Variants in TULP4 observed in about 807,000 individuals in gnomAD.
TULP4 encodes tubby-related protein 4.
In TULP4, 16 loss-of-function variants were observed where a neutral mutation model predicts 129.0. The ratio of observed to expected loss-of-function variants is 0.12; its 90% CI spans 0.08 to 0.19. The LOEUF is 0.19. Ranked by LOEUF, TULP4 falls within the 10% of genes least tolerant of loss-of-function variation. The pLI, the probability that TULP4 is intolerant of heterozygous loss-of-function variation, is 1.00. For missense variants in TULP4, 1,842 were observed against 2,059.1 expected (o/e 0.89, Z 2.04); for synonymous variants, 998 against 854.0 (o/e 1.17, Z -2.94).
Position 158,503,738 on chromosome 6 carries a change from A to G in TULP4, c.4075A>G (p.Lys1359Glu). The G allele has an allele frequency of 6.2e-7, 1 of 1,614,122 alleles. No individual in the cohort carries two copies. Among genetic ancestry groups the G allele is most frequent in the Non-Finnish European group, 8.5e-7 (1 of 1,180,036 alleles). ...SVQAITEGKVKKEARTLSDFN... is the reference protein window; with the variant it reads ...SVQAITEGKVEKEARTLSDFN... ...TCAGGCCATCACTGAGGGCAAAGTGAAGAAGGAGGCTAGGACTTTGAGTGA... is the reference window on the plus strand; with the variant it reads ...TCAGGCCATCACTGAGGGCAAAGTGGAGAAGGAGGCTAGGACTTTGAGTGA... The change falls in exon 13 of 14, where the codon AAG becomes GAG. Residue 1359 changes from lysine (K) to glutamate (E), a missense_variant. Around this residue, in one of 5 missense-constraint regions of TULP4, gnomAD observed 1,089 missense variants for 987.1 expected, o/e 1.10. Transcript: ENST00000367097. The surrounding 1 kb of genome is among the most constrained non-coding windows in gnomAD (Gnocchi z 4.3).
rs112977834 is a variant in TULP4, at chr6:158,258,772, C to T, written n.68+26469C>T. Among the ~76,000 whole-genome samples, 63 of 152,290 alleles carry T rather than the reference C, an allele frequency of 4.1e-4. 3 individuals carry two copies. In the East Asian group the frequency reaches 4.2e-3, roughly 10 times the overall value. On this transcript the variant is annotated intron_variant and non_coding_transcript_variant, in intron 1 of 1. Coordinates refer to the TULP4 transcript ENST00000620026. The stretch of plus-strand genomic sequence containing the variant: ...AAAATTTGAACCTGCTGAACAAATT[C>T]GGAAGCTGCTTTTTGTAAAATCAAA...
chr6:158,338,006 A>G (rs1004332057), intron 1 of TULP4, among the ~76,000 whole-genome samples: 2 of 152,194 alleles, frequency 1.3e-5, no homozygotes, highest in African/African-American at 4.8e-5. Flanking sequence ...CCAACAGTGA[A>G]TTCTCATGAC....
intron 1 of TULP4, among the ~76,000 whole-genome samples, chr6:158,366,810 C>T (rs1780976754): frequency 6.6e-6 from 1 of 152,204 alleles, no homozygotes; most frequent in African/African-American, 2.4e-5. Flanking sequence ...ATTGTCTTAG[C>T]TTCTTGGTCT....
chr6:158,446,429 ACT>A (rs1350202711), intron 3 of TULP4, among the ~76,000 whole-genome samples: 1 of 151,926 alleles, frequency 6.6e-6, no homozygotes, highest in Non-Finnish European at 1.5e-5. Context: ...GTGATACTAA[ACT>A]CTGATAACTT....
At chr6:158,289,978 G>GT (rs1299463015) in intron 1 of TULP4, among the ~76,000 whole-genome samples, 3 of 152,114 alleles carry the variant, frequency 2.0e-5, no homozygotes, top group Non-Finnish European at 2.9e-5. Flanking sequence ...GTCTCACCCT[G>GT]TCACTGGAGT....
At chr6:158,446,843 G>A (rs532171004) in intron 3 of TULP4, among the ~76,000 whole-genome samples, 2 of 152,310 alleles carry the variant, frequency 1.3e-5, no homozygotes, top group East Asian at 3.9e-4. Flanking sequence ...GTGCTTGCAA[G>A]CTGGGGTCTC....
At chr6:158,414,420 C>T (rs1487138042) in intron 2 of TULP4, among the ~76,000 whole-genome samples, 1 of 152,246 alleles carries the variant, frequency 6.6e-6, no homozygotes, top group African/African-American at 2.4e-5. Flanking sequence ...GCCTGTGCCT[C>T]AGGATCACAG....
intron 2 of TULP4, among the ~76,000 whole-genome samples, chr6:158,417,383 A>G (rs1778233435): frequency 6.6e-6 from 1 of 152,232 alleles, no homozygotes; most frequent in Admixed American, 6.5e-5. Context: ...ATCTGGAAGC[A>G]CCCAGAATCT....
At chr6:158,236,745 C>T (rs556223188) in intron 1 of TULP4, among the ~76,000 whole-genome samples, 7 of 142,350 alleles carry the variant, frequency 4.9e-5, no homozygotes, top group Non-Finnish European at 1.1e-4. Context: ...TCAGCACACA[C>T]AGATAAAGGA....
chr6:158,233,283 C>G (rs1473591345), intron 1 of TULP4, among the ~76,000 whole-genome samples: 3 of 152,248 alleles, frequency 2.0e-5, no homozygotes, highest in South Asian at 2.1e-4. Context: ...TCCTGGATCT[C>G]TTTGGGGTCT....
At chr6:158,330,837 A>G (rs539883494) in intron 1 of TULP4, among the ~76,000 whole-genome samples, 3 of 152,276 alleles carry the variant, frequency 2.0e-5, no homozygotes, top group South Asian at 2.1e-4. Context: ...GTTTTATGAC[A>G]TTGACCTTTT....
At chr6:158,434,846 A>G (rs1287005685) in intron 3 of TULP4, among the ~76,000 whole-genome samples, 2 of 152,186 alleles carry the variant, frequency 1.3e-5, no homozygotes, top group Admixed American at 6.5e-5. Context: ...AAGAGCCCCA[A>G]ACTTCAATTT....
chr6:158,298,726 C>T (rs1041612231), intron 1 of TULP4, among the ~76,000 whole-genome samples: 8 of 152,188 alleles, frequency 5.3e-5, no homozygotes, highest in African/African-American at 1.9e-4. Context: ...AGGCTTAACA[C>T]AACTCTGTAT....
chr6:158,433,121 A>G (rs1778666979), intron 3 of TULP4, among the ~76,000 whole-genome samples: 1 of 152,162 alleles, frequency 6.6e-6, no homozygotes. Context: ...CTGTCTCTAC[A>G]GTCTTTTAGT....
chr6:158,338,860 T>C (rs985732456), intron 1 of TULP4, among the ~76,000 whole-genome samples: 3 of 152,332 alleles, frequency 2.0e-5, no homozygotes, highest in Admixed American at 2.0e-4. Context: ...ATATTCTCTC[T>C]GGCTCTGGGA....
At chr6:158,471,519 T>C (rs1779682151) in intron 6 of TULP4, among the ~76,000 whole-genome samples, 1 of 152,126 alleles carries the variant, frequency 6.6e-6, no homozygotes, top group South Asian at 2.1e-4. Flanking sequence ...AAAGACATGT[T>C]CAAGAGGAGG....
At chr6:158,239,595 C>A (rs1348916259) in intron 1 of TULP4, among the ~76,000 whole-genome samples, 1 of 63,118 alleles carries the variant, frequency 1.6e-5, no homozygotes, top group Non-Finnish European at 3.6e-5. Context: ...GGGGCTGACC[C>A]CCCCCACCTC....
intron 1 of TULP4, among the ~76,000 whole-genome samples, chr6:158,261,656 C>T (rs1317142073): frequency 6.6e-6 from 1 of 152,182 alleles, no homozygotes; most frequent in Non-Finnish European, 1.5e-5. Flanking sequence ...GGTTCAGCTG[C>T]ATGTAACAGA....
intron 1 of TULP4, among the ~76,000 whole-genome samples, chr6:158,270,784 G>A (rs952723399): frequency 4.6e-5 from 7 of 152,164 alleles, no homozygotes; most frequent in African/African-American, 1.4e-4. Flanking sequence ...AGGCTTCCTT[G>A]TGCTTAAATG....
Sources: gnomAD v4.1 joint callset for allele counts (sites outside exome capture counted in the v4.1 genomes callset) on GRCh38, gnomAD v4.1.1 for gene constraint, gnomAD v4.1.1 regional missense constraint, Gnocchi (gnomAD v3.1) non-coding constraint, MANE v1.5 for transcripts, NCBI Gene and HGNC (gene_info 2026-07-23, HGNC 2026-07-21) for gene names.